Variants in AUH observed in about 807,000 individuals in gnomAD.
AUH encodes methylglutaconyl-CoA hydratase, mitochondrial.
AUH carries 29 observed loss-of-function variants against 42.3 expected under a neutral mutation model. The observed-to-expected ratio is 0.69, with a 90% CI of 0.51 to 0.93. The LOEUF is 0.93. AUH is among the 40% of genes least tolerant of loss of function. The pLI, the probability that AUH is intolerant of heterozygous loss-of-function variation, is 0.00. For synonymous variants in AUH, 174 were observed against 166.4 expected (o/e 1.05, Z -0.35); for missense variants, 452 against 438.1 (o/e 1.03, Z -0.28).
At chr9:91,272,750 C>T (rs1825249604) in intron 6 of AUH, among the ~76,000 whole-genome samples, 1 of 152,066 alleles carries the variant, frequency 6.6e-6, no homozygotes, top group Admixed American at 6.6e-5. Flanking sequence ...TACTGTATTT[C>T]CAGCCATTAC....
At chr9:91,267,570 C>A (rs539886110) in intron 6 of AUH, among the ~76,000 whole-genome samples, 25 of 152,086 alleles carry the variant, frequency 1.6e-4, no homozygotes, top group Non-Finnish European at 3.2e-4. Flanking sequence ...CAGAGTCTTC[C>A]GCAAGTGGAA....
chr9:91,315,348 G>A (rs898472150), intron 4 of AUH, among the ~76,000 whole-genome samples: 19 of 152,134 alleles, frequency 1.2e-4, no homozygotes, highest in African/African-American at 4.1e-4. Flanking sequence ...GCTCAAATGC[G>A]CATGTGCCTG....
chr9:91,354,580 A>G (rs1188399303), intron 3 of AUH, among the ~76,000 whole-genome samples: 1 of 152,242 alleles, frequency 6.6e-6, no homozygotes, highest in African/African-American at 2.4e-5. Context: ...GCAAAAGAAT[A>G]TGTAAAATAA....
chr9:91,313,470 C>T (rs530371108), intron 4 of AUH, among the ~76,000 whole-genome samples: 264 of 152,036 alleles, frequency 1.7e-3, no homozygotes, highest in Admixed American at 2.6e-3. Flanking sequence ...CTTTGGGAGG[C>T]CGAGGCGGGT....
intron 6 of AUH, among the ~76,000 whole-genome samples, chr9:91,226,047 G>C (rs1239279777): frequency 5.5e-5 from 8 of 146,568 alleles, no homozygotes; most frequent in Non-Finnish European, 3.0e-5. Context: ...ATGATTTATA[G>C]TCCTTTGGGT....
intron 6 of AUH, among the ~76,000 whole-genome samples, chr9:91,286,610 G>A (rs1158264107): frequency 6.6e-6 from 1 of 151,368 alleles, no homozygotes; most frequent in Non-Finnish European, 1.5e-5. Context: ...GAAACATGCA[G>A]CATTGACATT....
At chr9:91,356,565 G>T (rs1832432846) in intron 1 of AUH, among the ~76,000 whole-genome samples, 1 of 152,056 alleles carries the variant, frequency 6.6e-6, no homozygotes, top group African/African-American at 2.4e-5. Context: ...TCTATCCCAA[G>T]CTTCTCTCCT....
chr9:91,237,165 T>A (rs1253550490), intron 6 of AUH, among the ~76,000 whole-genome samples: 1 of 152,222 alleles, frequency 6.6e-6, no homozygotes, highest in Non-Finnish European at 1.5e-5. Context: ...AAAAGATGAA[T>A]GCCAATAATG....
chr9:91,267,226 T>C (rs1830022319), intron 6 of AUH, among the ~76,000 whole-genome samples: 1 of 152,088 alleles, frequency 6.6e-6, no homozygotes, highest in Non-Finnish European at 1.5e-5. Context: ...AGGTAACAAA[T>C]ATAATGTCTT....
At chr9:91,269,561 T>C (rs1312779248) in intron 6 of AUH, among the ~76,000 whole-genome samples, 1 of 152,218 alleles carries the variant, frequency 6.6e-6, no homozygotes, top group East Asian at 1.9e-4. Context: ...AGAAACCAAG[T>C]GCCTTTAATG....
At chr9:91,316,006 G>T (rs1257921225) in intron 4 of AUH, among the ~76,000 whole-genome samples, 1 of 152,192 alleles carries the variant, frequency 6.6e-6, no homozygotes, top group Non-Finnish European at 1.5e-5. Flanking sequence ...ATTGGTACAT[G>T]TGTGTATTAT....
chr9:91,259,801 T>G (rs1180229091), intron 6 of AUH, among the ~76,000 whole-genome samples: 3 of 152,150 alleles, frequency 2.0e-5, no homozygotes, highest in East Asian at 1.9e-4. Context: ...TATATTCTTA[T>G]GTCAGTTTTT....
chr9:91,361,860 C>G lies in AUH; in HGVS notation c.30G>C (p.Gly10=). The G allele has an allele frequency of 6.8e-7, 1 of 1,476,750 alleles. No homozygotes were observed. Among genetic ancestry groups the G allele is most frequent in the Non-Finnish European group, 8.9e-7 (1 of 1,120,156 alleles). The allele number at this position is 1,476,750 out of a possible 1,614,324, so 91.5% of individuals were successfully genotyped here. A position where few individuals can be genotyped will look rare whatever the true frequency, so the allele number is the denominator to read the frequency against. Residue 10 remains glycine (G), a synonymous_variant, in exon 1 of 10, where the codon GGG becomes GGC. Transcript: ENST00000375731. ...CGCCAGCATGCAGGGATCCCAAGGCCCCAGGTGCCGCCGCCACCGCGGCCG... is the reference window on the plus strand; with the variant it reads ...CGCCAGCATGCAGGGATCCCAAGGCGCCAGGTGCCGCCGCCACCGCGGCCG... MAAAVAAAP[G]ALGSLHAGGA...
chr9:91,214,513 C>A (rs1346378774), intron 9 of AUH, 88 bp from the exon 10 acceptor site: 1 of 1,107,962 alleles, frequency 9.0e-7, no homozygotes, highest in African/African-American at 1.6e-5. Context: ...CTACTTAGAA[C>A]CACATTCTAA....
At chr9:91,229,069 T>G (rs1232516557) in intron 6 of AUH, among the ~76,000 whole-genome samples, 1 of 151,284 alleles carries the variant, frequency 6.6e-6, no homozygotes, top group Non-Finnish European at 1.5e-5. Flanking sequence ...GTCTATTAGG[T>G]CCTCTTGGTG....
intron 3 of AUH, among the ~76,000 whole-genome samples, chr9:91,328,367 C>T (rs527423533): frequency 2.5e-4 from 38 of 152,200 alleles, no homozygotes; most frequent in Non-Finnish European, 5.1e-4. Context: ...CCATGAAATA[C>T]TGCAGAAAAT....
At chr9:91,229,920 G>C (rs1271092870) in intron 6 of AUH, among the ~76,000 whole-genome samples, 1 of 152,182 alleles carries the variant, frequency 6.6e-6, no homozygotes, top group Non-Finnish European at 1.5e-5. Flanking sequence ...TCTGCCAAGA[G>C]ATTCGCTGTT....
intron 6 of AUH, among the ~76,000 whole-genome samples, chr9:91,269,063 C>T (rs1396826704): frequency 2.0e-5 from 3 of 152,084 alleles, no homozygotes; most frequent in Non-Finnish European, 4.4e-5. Flanking sequence ...TAACTGCAAC[C>T]TTCACCTCCT....
intron 6 of AUH, among the ~76,000 whole-genome samples, chr9:91,272,351 G>A (rs979009129): frequency 6.6e-6 from 1 of 152,128 alleles, no homozygotes; most frequent in Non-Finnish European, 1.5e-5. Context: ...GTGCTCTCAT[G>A]CTCCCCCAGC....
Sources: gnomAD v4.1 joint callset for allele counts (sites outside exome capture counted in the v4.1 genomes callset) on GRCh38, gnomAD v4.1.1 for gene constraint, MANE v1.5 for transcripts, NCBI Gene and HGNC (gene_info 2026-07-23, HGNC 2026-07-21) for gene names.